Variants in AVEN observed in about 807,000 individuals in gnomAD.
The protein encoded by AVEN is cell death regulator Aven.
Under a neutral mutation model 38.1 loss-of-function variants are expected in AVEN, and 41 were observed. That is an observed-to-expected ratio of 1.08 (90% confidence interval 0.84 to 1.40). AVEN has a LOEUF of 1.40. Ranked by LOEUF, AVEN falls within the 40% of genes most tolerant of loss-of-function variation. The pLI is 0.00. For missense variants in AVEN, 605 were observed against 438.8 expected, an observed-to-expected ratio of 1.38 and a Z score of -3.38; for synonymous variants, 206 against 171.8, an observed-to-expected ratio of 1.20 and a Z score of -1.56.
At chr15:33,967,428 A>C (rs550767289) in intron 2 of AVEN, among the ~76,000 whole-genome samples, 13 of 152,194 alleles carry the variant, frequency 8.5e-5, no homozygotes, top group African/African-American at 2.9e-4. Flanking sequence ...AAGTGTCCAT[A>C]CTTTAAAAAT....
chr15:34,005,531 T>C (rs555514782), intron 1 of AVEN, among the ~76,000 whole-genome samples: 9 of 152,302 alleles, frequency 5.9e-5, no homozygotes, highest in African/African-American at 2.2e-4. Context: ...AGATGCTGCT[T>C]TGAACCCTTT....
chr15:33,896,956 G>T (rs748731851), intron 2 of AVEN, among the ~76,000 whole-genome samples: 16 of 152,154 alleles, frequency 1.1e-4, no homozygotes, highest in Non-Finnish European at 1.8e-4. Flanking sequence ...AGCGTGCAAT[G>T]ACACTCAAAA....
At chr15:33,872,465 A>G (rs569718986) in intron 3 of AVEN, among the ~76,000 whole-genome samples, 1 of 152,166 alleles carries the variant, frequency 6.6e-6, no homozygotes, top group Non-Finnish European at 1.5e-5. Flanking sequence ...CCATGTGTAC[A>G]TGGTATGGTG....
intron 1 of AVEN, among the ~76,000 whole-genome samples, chr15:34,008,807 T>A (rs908965763): frequency 6.6e-6 from 1 of 152,066 alleles, no homozygotes; most frequent in Non-Finnish European, 1.5e-5. Context: ...CCTTTATACA[T>A]CCAAGAAGCT....
At chr15:33,866,930 T>TA (rs1481689320) in intron 5 of AVEN, among the ~76,000 whole-genome samples, 5 of 151,816 alleles carry the variant, frequency 3.3e-5, no homozygotes, top group Admixed American at 3.3e-4. Flanking sequence ...CACACCTTGC[T>TA]AGTTGGTTTT....
chr15:33,867,311 G>A (rs1233760933), intron 5 of AVEN, among the ~76,000 whole-genome samples, 184 bp downstream of exon 5: 2 of 151,974 alleles, frequency 1.3e-5, no homozygotes, highest in African/African-American at 4.8e-5. Flanking sequence ...TCGCGTGAGA[G>A]GAAGGTTGTC....
intron 5 of AVEN, among the ~76,000 whole-genome samples, chr15:34,048,178 A>G (rs1899789481): frequency 6.6e-6 from 1 of 152,224 alleles, no homozygotes; most frequent in East Asian, 1.9e-4. Context: ...ACCCGGCCAG[A>G]CTGCTTCTTT....
At chr15:33,873,396 G>A (rs1384751495) in intron 3 of AVEN, among the ~76,000 whole-genome samples, 2 of 150,104 alleles carry the variant, frequency 1.3e-5, no homozygotes, top group East Asian at 1.9e-4. Context: ...CACTGCGCCC[G>A]CCCCCTCTCT....
intron 2 of AVEN, among the ~76,000 whole-genome samples, chr15:33,965,066 G>A (rs566032591): frequency 6.6e-6 from 1 of 152,288 alleles, no homozygotes; most frequent in South Asian, 2.1e-4. Flanking sequence ...GAAGATGAAT[G>A]ATAACAGTCT....
chr15:33,900,385 G>A (rs533338574), intron 2 of AVEN, among the ~76,000 whole-genome samples: 1 of 150,976 alleles, frequency 6.6e-6, no homozygotes, highest in Non-Finnish European at 1.5e-5. Flanking sequence ...ACAGCTTACT[G>A]CAGCCTCAAC....
chr15:34,015,403 A>G (rs2140683965), intron 1 of AVEN, among the ~76,000 whole-genome samples: 1 of 152,122 alleles, frequency 6.6e-6, no homozygotes, highest in East Asian at 1.9e-4. Context: ...AATAGCGTGA[A>G]CCCGGGAGGC....
At chr15:33,950,093 T>C (rs1391128311) in intron 2 of AVEN, among the ~76,000 whole-genome samples, 1 of 152,216 alleles carries the variant, frequency 6.6e-6, no homozygotes, top group Admixed American at 6.5e-5. Context: ...GACATTATAA[T>C]AAGTGAAATA....
intron 2 of AVEN, among the ~76,000 whole-genome samples, chr15:33,919,864 A>G (rs1052848668): frequency 2.0e-5 from 3 of 152,200 alleles, no homozygotes; most frequent in Non-Finnish European, 4.4e-5. Flanking sequence ...TTCCATTCAT[A>G]ATGAATGTAG....
chr15:34,060,872 C>T (rs1472438154), intron 5 of AVEN, among the ~76,000 whole-genome samples: 3 of 151,520 alleles, frequency 2.0e-5, no homozygotes, highest in Admixed American at 6.6e-5. Flanking sequence ...CTCTGTTAGC[C>T]GGGCGTGGTG....
chr15:33,880,699 C>T (rs1208104701), intron 2 of AVEN, among the ~76,000 whole-genome samples: 4 of 151,952 alleles, frequency 2.6e-5, no homozygotes, highest in South Asian at 2.1e-4. Context: ...TCATTAAAAA[C>T]GATCAGGCCT....
chr15:34,035,303 A>G (rs541954375), intron 1 of AVEN, among the ~76,000 whole-genome samples: 1 of 152,322 alleles, frequency 6.6e-6, no homozygotes, highest in Non-Finnish European at 1.5e-5. Flanking sequence ...AAGAAAGCAA[A>G]GGTCTGGTAA....
intron 2 of AVEN, among the ~76,000 whole-genome samples, chr15:33,935,619 C>A (rs1424575370): frequency 1.3e-5 from 2 of 151,992 alleles, no homozygotes; most frequent in Non-Finnish European, 2.9e-5. Context: ...TTTCATTAGT[C>A]TACTTTCTTT....
Position 34,038,956 on chromosome 15 carries a change from C to T in AVEN, c.91G>A (p.Ala31Thr). 1.8e-6 allele frequency: 2 copies of T among 1,108,408 alleles called. No individual in the cohort carries two copies. Among genetic ancestry groups the T allele is most frequent in the Non-Finnish European group, 2.2e-6 (2 of 912,786 alleles). The allele number at this position is 1,108,408 out of a possible 1,614,324, so 68.7% of individuals were successfully genotyped here. A position where few individuals can be genotyped will look rare whatever the true frequency, so the allele number is the denominator to read the frequency against. ...GGDRHSERPG[A>T]AAAVARGGGG... Reference sequence around the variant, plus strand: ...CCGCCTCTGGCTACCGCCGCTGCGGCTCCGGGCCGCTCGCTGTGGCGATCT... The same window carrying T: ...CCGCCTCTGGCTACCGCCGCTGCGGTTCCGGGCCGCTCGCTGTGGCGATCT... The change falls in exon 1 of 6, where the codon GCC (alanine) becomes ACC (threonine). Residue 31 changes from alanine (A) to threonine (T), a missense_variant. Transcript: ENST00000306730.
At chr15:34,051,028 C>T (rs943505092) in intron 5 of AVEN, among the ~76,000 whole-genome samples, 6 of 152,144 alleles carry the variant, frequency 3.9e-5, no homozygotes, top group Admixed American at 2.6e-4. Flanking sequence ...AACTCTCCAC[C>T]CCAAAACAAC....
Sources: allele counts gnomAD v4.1 joint callset (sites outside exome capture counted in the v4.1 genomes callset), GRCh38; gene constraint gnomAD v4.1.1; transcripts MANE v1.5; gene names NCBI Gene and HGNC (gene_info 2026-07-23, HGNC 2026-07-21).